The following DNER variants were observed in gnomAD, a reference collection of about 807,000 sequenced individuals.
DNER encodes delta/notch like EGF repeat containing.
A neutral mutation model predicts 78.2 loss-of-function variants in DNER; 33 were observed. That is an observed-to-expected ratio of 0.42 (90% confidence interval 0.32 to 0.56). The LOEUF is 0.56. Ranked by LOEUF, DNER falls within the 20% of genes least tolerant of loss-of-function variation. The pLI is 0.11. For synonymous variants in DNER, 417 were observed against 384.8 expected (o/e 1.08, Z -0.98); for missense variants, 918 against 975.3 (o/e 0.94, Z 0.78).
chr2:229,592,950 C>T (rs183753560), intron 1 of DNER, among the ~76,000 whole-genome samples: 141 of 152,292 alleles, frequency 9.3e-4, no homozygotes, highest in Admixed American at 3.6e-3. Context: ...AATGGTAAAA[C>T]GGCTACTCGT....
intron 5 of DNER, among the ~76,000 whole-genome samples, chr2:229,527,441 G>A (rs1054410949): frequency 1.3e-5 from 2 of 152,144 alleles, no homozygotes; most frequent in Non-Finnish European, 2.9e-5. Flanking sequence ...TCCAGTTTTA[G>A]TAATAGATAA....
intron 6 of DNER, among the ~76,000 whole-genome samples, chr2:229,482,564 T>C (rs550671875): frequency 1.4e-3 from 210 of 152,300 alleles, no homozygotes; most frequent in African/African-American, 4.7e-3. Context: ...CTCGCCAAGC[T>C]TCTGCTCATA....
At position 229,358,668 on chromosome 2, in the gene DNER, A is replaced by G. The variant is rs536897304; in HGVS notation, c.2103-17T>C. 6.2e-6 allele frequency: 10 copies of G among 1,605,930 alleles called. No homozygotes were observed. The South Asian group carries it at 7.8e-5, about 12-fold the overall frequency. On this transcript the variant is annotated splice_polypyrimidine_tract_variant and intron_variant, in intron 12 of 12. Transcript: ENST00000341772. ...TTTCCAAACCTGAAATCAGAGAGAA[A>G]GGACTCTGGTTAGATAAATACTAGA...
chr2:229,629,762 G>A (rs1165863902), intron 1 of DNER, among the ~76,000 whole-genome samples: 1 of 152,194 alleles, frequency 6.6e-6, no homozygotes, highest in Non-Finnish European at 1.5e-5. Flanking sequence ...GAAATGCAGT[G>A]AGGTGGCATT....
chr2:229,604,580 C>T lies in DNER; in HGVS notation c.277-12692G>A, dbSNP rs1283297465. On this transcript the variant is annotated intron_variant, in intron 1 of 12. Transcript: ENST00000341772. The stretch of plus-strand genomic sequence containing the variant: ...AGTCGGGGGAGGCTTTGGGTTGATC[C>T]GCCAAGTGCCAAGTGTTCTTGTGTA... 5.3e-5 allele frequency among the ~76,000 whole-genome samples: 8 copies of T among 152,210 alleles called. No homozygotes were observed. In the East Asian group the frequency reaches 5.8e-4, roughly 11 times the overall value.
chr2:229,362,531 A>G (rs776620517), intron 12 of DNER, among the ~76,000 whole-genome samples: 2 of 152,190 alleles, frequency 1.3e-5, no homozygotes, highest in African/African-American at 2.4e-5. Flanking sequence ...TCTCACTTAC[A>G]AGTCCTGGTT....
At chr2:229,508,765 C>T (rs1038487344) in intron 6 of DNER, among the ~76,000 whole-genome samples, 1 of 152,054 alleles carries the variant, frequency 6.6e-6, no homozygotes, top group Non-Finnish European at 1.5e-5. Flanking sequence ...CCTGTAGTCC[C>T]AGCTACTCGG....
intron 1 of DNER, among the ~76,000 whole-genome samples, chr2:229,713,100 T>C (rs1009608783): frequency 6.6e-6 from 1 of 152,200 alleles, no homozygotes; most frequent in African/African-American, 2.4e-5. Context: ...CCACCCTAAA[T>C]GTAAGGAAGA....
At chr2:229,420,615 A>T (rs956559929) in intron 8 of DNER, among the ~76,000 whole-genome samples, 8 of 152,214 alleles carry the variant, frequency 5.3e-5, no homozygotes, top group Non-Finnish European at 1.2e-4. Context: ...ACAAAATAAT[A>T]CAAATGGCCA....
chr2:229,514,378 AG>A (rs1175187413), intron 5 of DNER, among the ~76,000 whole-genome samples: 1 of 152,162 alleles, frequency 6.6e-6, no homozygotes, highest in African/African-American at 2.4e-5. Context: ...CCAGTTCTCA[AG>A]GTTACATTGG....
intron 8 of DNER, among the ~76,000 whole-genome samples, chr2:229,442,447 G>A (rs921858888): frequency 1.8e-4 from 27 of 152,034 alleles, no homozygotes; most frequent in Admixed American, 4.6e-4. Context: ...CCTGGGAGGC[G>A]GAGGTTGCAG....
chr2:229,529,920 G>T (rs187950405), intron 5 of DNER, among the ~76,000 whole-genome samples: 1 of 152,112 alleles, frequency 6.6e-6, no homozygotes, highest in East Asian at 1.9e-4. Flanking sequence ...GAGGCGGGAG[G>T]ATTGGTTGAG....
chr2:229,386,300 C>T (rs1331716723), intron 11 of DNER, among the ~76,000 whole-genome samples: 1 of 152,186 alleles, frequency 6.6e-6, no homozygotes, highest in African/African-American at 2.4e-5. Flanking sequence ...CCCTTCCTTA[C>T]ACCTTATACA....
intron 1 of DNER, among the ~76,000 whole-genome samples, chr2:229,601,781 C>G (rs896226322): frequency 6.6e-6 from 1 of 152,106 alleles, no homozygotes; most frequent in African/African-American, 2.4e-5. Context: ...ACCTTGAAAT[C>G]TCAAGGTAAT....
At chr2:229,505,565 G>A (rs1695721644) in intron 6 of DNER, among the ~76,000 whole-genome samples, 1 of 152,166 alleles carries the variant, frequency 6.6e-6, no homozygotes, top group South Asian at 2.1e-4. Flanking sequence ...AGTGGAAGGT[G>A]AGACAGATGA....
intron 11 of DNER, among the ~76,000 whole-genome samples, chr2:229,385,216 A>G (rs1303288519): frequency 6.6e-6 from 1 of 152,184 alleles, no homozygotes; most frequent in Non-Finnish European, 1.5e-5. Context: ...ACAACCAATG[A>G]TAAAAACCAC....
At chr2:229,417,594 A>G (rs1303127877) in intron 9 of DNER, among the ~76,000 whole-genome samples, 1 of 152,012 alleles carries the variant, frequency 6.6e-6, no homozygotes, top group African/African-American at 2.4e-5. Flanking sequence ...GGGGGGATTT[A>G]GTGAGCTATG....
chr2:229,502,586 G>C (rs1437109605), intron 6 of DNER, among the ~76,000 whole-genome samples: 1 of 152,108 alleles, frequency 6.6e-6, no homozygotes, highest in East Asian at 1.9e-4. Context: ...TCTGGACTGG[G>C]CTTTGTTTAC....
intron 10 of DNER, among the ~76,000 whole-genome samples, chr2:229,402,155 G>T (rs770103328): frequency 6.6e-6 from 1 of 151,838 alleles, no homozygotes; most frequent in Non-Finnish European, 1.5e-5. Flanking sequence ...AAAAAAAATT[G>T]ATAAATTAGA....
Sources: allele counts gnomAD v4.1 joint callset (sites outside exome capture counted in the v4.1 genomes callset), GRCh38; gene constraint gnomAD v4.1.1; transcripts MANE v1.5; gene names NCBI Gene and HGNC (gene_info 2026-07-23, HGNC 2026-07-21).